ADAMTS2: variants seen among roughly 807,000 people sequenced by gnomAD.
ADAMTS2 encodes the protein A disintegrin and metalloproteinase with thrombospondin motifs 2.
A neutral mutation model predicts 123.0 loss-of-function variants in ADAMTS2; 50 were observed. That is an observed-to-expected ratio of 0.41 (90% CI 0.32 to 0.51). The LOEUF (loss-of-function observed/expected upper bound fraction) is 0.51. Ranked by LOEUF, ADAMTS2 falls within the 20% of genes least tolerant of loss-of-function variation. The pLI is 0.35. For missense variants in ADAMTS2, 1,494 were observed against 1,705.2 expected, an observed-to-expected ratio of 0.88 and a Z score of 2.18; for synonymous variants, 678 against 695.4, an observed-to-expected ratio of 0.98 and a Z score of 0.39.
At position 179,224,294 on chromosome 5, in the gene ADAMTS2, C is replaced by T. The variant is rs562988195; in HGVS notation, c.689-16579G>A. On this transcript the variant is annotated intron_variant, in intron 3 of 21. Coordinates refer to ENST00000251582, the MANE Select transcript of ADAMTS2 (RefSeq NM_014244.5). The stretch of plus-strand genomic sequence containing the variant: ...ATGGCTCCCGGCACACCCTGACATC[C>T]GTAGGCGCCATCCTGACAACACGCT... Among the ~76,000 whole-genome samples the T allele has an allele frequency of 1.2e-4, 19 of 152,292 alleles. No individual in the cohort carries two copies. The South Asian group carries it at 1.7e-3, about 13-fold the overall frequency.
At chr5:179,194,362 C>G (rs531494531) in intron 4 of ADAMTS2, among the ~76,000 whole-genome samples, 9 of 152,320 alleles carry the variant, frequency 5.9e-5, no homozygotes. Flanking sequence ...CCCGTGCTCA[C>G]CACGACATCC....
chr5:179,316,648 G>A (rs951850669), intron 2 of ADAMTS2, among the ~76,000 whole-genome samples: 6 of 152,342 alleles, frequency 3.9e-5, no homozygotes, highest in East Asian at 1.9e-4. Context: ...AACTGCTGTC[G>A]AACATGAAGT....
chr5:179,182,388 A>C (rs1441843010), intron 4 of ADAMTS2, among the ~76,000 whole-genome samples: 2 of 152,146 alleles, frequency 1.3e-5, no homozygotes, highest in African/African-American at 4.8e-5. Flanking sequence ...GCCTGCTGCC[A>C]CGTCAGGCCA....
At position 179,114,030 on chromosome 5, in the gene ADAMTS2, G is replaced by A. The variant is rs765527221; in HGVS notation, c.3473C>T (p.Thr1158Ile). 6.2e-7 allele frequency: 1 copy of A among 1,614,176 alleles called. No homozygotes were observed. The highest frequency in any genetic ancestry group is 1.1e-5 in the South Asian group (1 of 91,078). ...TTTGTAGGGTTCATCTACGGCATTG[G>A]TTTCTGGGTGATCCTCTGTGGCATT... The part of the protein sequence containing the change: ...STNATEDHPE[T>I]NAVDEPYKIH... The change falls in exon 22 of 22, where the codon ACC (threonine) becomes ATC (isoleucine). Residue 1158 changes from threonine to isoleucine, a missense_variant. Physicochemically the swap from Thr to Ile is moderately conservative, Grantham distance 89. Around this residue, in one of 6 missense-constraint regions of ADAMTS2, gnomAD observed 953 missense variants for 1,124.7 expected, o/e 0.85. Coordinates refer to ENST00000251582, the MANE Select transcript of ADAMTS2 (RefSeq NM_014244.5).
intron 21 of ADAMTS2, among the ~76,000 whole-genome samples, chr5:179,119,759 C>T (rs980467731): frequency 2.0e-5 from 3 of 152,188 alleles, no homozygotes; most frequent in Non-Finnish European, 2.9e-5. Flanking sequence ...TGGTGGCTCA[C>T]GGCAGGTGAC....
In ADAMTS2 at chr5:179,344,139, C is replaced by T. The variant is rs897541166; in HGVS notation, c.162G>A (p.Ala54=). The T allele has an allele frequency of 6.2e-7, 1 of 1,601,796 alleles. No individual in the cohort carries two copies. The highest frequency in any genetic ancestry group is 8.5e-7 in the Non-Finnish European group (1 of 1,174,796). ...DPPGGPLGHG[A]ERILAVPVRT... ...GCACGGGCACCGCCAGGATGCGCTC[C>T]GCTCCGTGCCCCAGGGGCCCGCCTG... Residue 54 remains alanine, a synonymous_variant, in exon 2 of 22, where the codon GCG becomes GCA. Coordinates refer to ENST00000251582, the MANE Select transcript of ADAMTS2 (RefSeq NM_014244.5).
rs546990509 is a variant in ADAMTS2, at chr5:179,122,653, G to A, written c.3079C>T (p.Pro1027Ser). 161 of 1,551,150 alleles carry A rather than the reference G, an allele frequency of 1.0e-4. 2 individuals are homozygous for A. The South Asian group carries it at 1.8e-3, about 17-fold the overall frequency. Reference protein sequence around the residue: ...PETARTCRLGPCPRNISDPSK... With the variant: ...PETARTCRLGSCPRNISDPSK... ...GCTGCAGGTGGCTTACGGGGACAGG[G>A]GCCAAGCCTGCAGGTCCTCGCTGTC... Residue 1027 changes from proline to serine, a missense_variant, in exon 20 of 22, where the codon CCC becomes TCC. Around this residue, in one of 6 missense-constraint regions of ADAMTS2, gnomAD observed 953 missense variants for 1,124.7 expected, o/e 0.85. Transcript: ENST00000251582.
Position 179,345,120 on chromosome 5 carries a change from G to A in ADAMTS2, c.139+70C>T. ...CAGGCTGGACGACGCCTGGGGAGGG[G>A]GCGGCGGGGCACGCGGGACAGGGCC... On this transcript the variant is annotated intron_variant, in intron 1 of 21. Coordinates refer to ENST00000251582, the MANE Select transcript of ADAMTS2 (RefSeq NM_014244.5). The surrounding 1 kb of genome is among the most constrained non-coding windows in gnomAD (Gnocchi z 7.5). The A allele has an allele frequency of 9.7e-7, 1 of 1,031,196 alleles. No homozygotes were observed. Among genetic ancestry groups the A allele is most frequent in the South Asian group, 4.5e-5 (1 of 22,308 alleles). 63.9% of individuals were successfully genotyped at this position (1,031,196 alleles called of 1,614,324 possible). A position where few individuals can be genotyped will look rare whatever the true frequency, so the allele number is the denominator to read the frequency against.
intron 3 of ADAMTS2, among the ~76,000 whole-genome samples, chr5:179,220,961 G>A (rs1216135881): frequency 1.3e-5 from 2 of 152,098 alleles, no homozygotes; most frequent in Non-Finnish European, 2.9e-5. Context: ...CATGAGCCAC[G>A]TGCAGGGACT....
chr5:179,116,788 C>G (rs985213965), intron 21 of ADAMTS2, among the ~76,000 whole-genome samples: 2 of 152,156 alleles, frequency 1.3e-5, no homozygotes, highest in Admixed American at 6.5e-5. Context: ...GACTTCGGCC[C>G]TGAGCTTCTA....
At chr5:179,343,290 C>T (rs916458282) in intron 2 of ADAMTS2, among the ~76,000 whole-genome samples, 3 of 152,202 alleles carry the variant, frequency 2.0e-5, no homozygotes, top group Non-Finnish European at 4.4e-5. Context: ...GACACAAACT[C>T]AACAGATGCT....
chr5:179,179,677 G>C (rs961636025), intron 5 of ADAMTS2, among the ~76,000 whole-genome samples: 1 of 152,146 alleles, frequency 6.6e-6, no homozygotes, highest in Admixed American at 6.5e-5. Context: ...GTACACGAAG[G>C]CCTGCAACTG....
At chr5:179,248,019 C>CA (rs1162450935) in intron 3 of ADAMTS2, among the ~76,000 whole-genome samples, 1 of 152,028 alleles carries the variant, frequency 6.6e-6, no homozygotes, top group Non-Finnish European at 1.5e-5. Flanking sequence ...TCTATAGATG[C>CA]ATAAAGCAAT....
chr5:179,240,202 A>T (rs1396577686), intron 3 of ADAMTS2, among the ~76,000 whole-genome samples: 1 of 152,230 alleles, frequency 6.6e-6, no homozygotes. Context: ...TGAGGGGAGC[A>T]GTCTGGCTGC....
intron 3 of ADAMTS2, among the ~76,000 whole-genome samples, chr5:179,223,530 GCACTCA>G (rs1376674315): frequency 2.1e-4 from 21 of 98,690 alleles, no homozygotes; most frequent in Non-Finnish European, 3.4e-4. Flanking sequence ...TCACACACAT[GCACTCA>G]CACTCACACG....
intron 2 of ADAMTS2, among the ~76,000 whole-genome samples, chr5:179,330,190 C>T (rs1757446810): frequency 6.6e-6 from 1 of 152,078 alleles, no homozygotes; most frequent in African/African-American, 2.4e-5. Flanking sequence ...GCCTGACTCC[C>T]ACCAAGGGTC....
At chr5:179,141,255 G>T (rs1477306383) in intron 10 of ADAMTS2, among the ~76,000 whole-genome samples, 1 of 152,104 alleles carries the variant, frequency 6.6e-6, no homozygotes, top group African/African-American at 2.4e-5. Context: ...TCTGTAAAAG[G>T]GCCAGAGAGT....
chr5:179,282,419 C>G (rs954529726), intron 2 of ADAMTS2, among the ~76,000 whole-genome samples: 2 of 152,210 alleles, frequency 1.3e-5, no homozygotes, highest in African/African-American at 4.8e-5. Context: ...ACTGACTTGT[C>G]TTGGACCTTT....
rs546917272 is a variant in ADAMTS2 at position 179,214,591 on chromosome 5, G to A, written c.689-6876C>T. ...GAATAACCCGCAAGAAAGCAGAGTG[G>A]AAAAAAGAGCTTATCAGCTATAACA... On this transcript the variant is annotated intron_variant, in intron 3 of 21. Coordinates refer to ENST00000251582, the MANE Select transcript of ADAMTS2 (RefSeq NM_014244.5). Among the ~76,000 whole-genome samples the A allele has an allele frequency of 1.9e-3, 268 of 141,908 alleles. 2 individuals are homozygous for A. The highest frequency in any genetic ancestry group is 4.6e-3 in the African/African-American group (182 of 39,150). 93.1% of individuals were successfully genotyped at this position (141,908 alleles called of 152,430 possible).
Sources: allele counts gnomAD v4.1 joint callset (sites outside exome capture counted in the v4.1 genomes callset), GRCh38; gene constraint gnomAD v4.1.1; regional missense constraint gnomAD v4.1.1; non-coding constraint Gnocchi (gnomAD v3.1); transcripts MANE v1.5; gene names NCBI Gene and HGNC (gene_info 2026-07-23, HGNC 2026-07-21).